CELSR1: variants seen among roughly 807,000 people sequenced by gnomAD.
CELSR1 encodes the protein cadherin EGF LAG seven-pass G-type receptor 1.
CELSR1 carries 110 observed loss-of-function variants against 249.1 expected under a neutral mutation model. The observed-to-expected ratio is 0.44, with a 90% confidence interval of 0.38 to 0.52. CELSR1 has a LOEUF of 0.52. CELSR1 is among the 20% of genes least tolerant of loss of function. CELSR1 has a pLI of 0.00. For synonymous variants in CELSR1, 2,113 were observed against 1,900.0 expected (o/e 1.11, Z -2.92); for missense variants, 4,109 against 4,296.4 (o/e 0.96, Z 1.22).
At chr22:46,443,822 T>C (rs536685368) in intron 2 of CELSR1, among the ~76,000 whole-genome samples, 3 of 152,174 alleles carry the variant, frequency 2.0e-5, no homozygotes, top group South Asian at 4.1e-4. Context: ...TCACGGGAGG[T>C]GTGACGCTTA....
intron 1 of CELSR1, among the ~76,000 whole-genome samples, chr22:46,467,989 CAA>C (rs1328067271): frequency 6.6e-6 from 1 of 151,964 alleles, no homozygotes; most frequent in Non-Finnish European, 1.5e-5. Flanking sequence ...CTTTTTGTAA[CAA>C]AAGAAAAAGA....
chr22:46,476,394 G>C (rs541920510), intron 1 of CELSR1, among the ~76,000 whole-genome samples: 1 of 152,002 alleles, frequency 6.6e-6, no homozygotes, highest in African/African-American at 2.4e-5. Flanking sequence ...TCAGGAGTTC[G>C]AGACCAGCCT....
chr22:46,537,559 G>C lies in CELSR1; in HGVS notation c.-389C>G, dbSNP rs1291083829. Among the ~76,000 whole-genome samples, 2 of 147,318 alleles carry C rather than the reference G, an allele frequency of 1.4e-5. No homozygotes were observed. The highest frequency in any genetic ancestry group is 2.0e-4 in the East Asian group (1 of 5,092). On this transcript the variant is annotated 5_prime_UTR_variant, in exon 1 of 35. Transcript: ENST00000674500. The surrounding 1 kb of genome is among the most constrained non-coding windows in gnomAD (Gnocchi z 5.8). The stretch of plus-strand genomic sequence containing the variant: ...GGGGCGGGGGCTGAGTTCCCGGAGC[G>C]GGCTGGGCAGCTCCGCGCCGCGCAG...
At position 46,536,497 on chromosome 22, in the gene CELSR1, G is replaced by A. The variant is rs754165820; in HGVS notation, c.674C>T (p.Ala225Val). The change falls in exon 1 of 35, where the codon GCC becomes GTC. Residue 225 changes from alanine (A) to valine (V), a missense_variant. Transcript: ENST00000674500. ...SPPLPPNLPE[A>V]RAGPARRARR... ...GGCCCGTCGCGCCGGCCCCGCCCGG[G>A]CTTCGGGCAAGTTCGGCGGCAGGGG... 5 of 1,571,480 alleles carry A rather than the reference G, an allele frequency of 3.2e-6. No individual in the cohort carries two copies. In the Admixed American group the frequency reaches 7.5e-5, roughly 24 times the overall value.
At position 46,473,424 on chromosome 22, in the gene CELSR1, A is replaced by G. The variant is rs2080176090; in HGVS notation, c.3545-9079T>C. 6.6e-6 allele frequency among the ~76,000 whole-genome samples: 1 copy of G among 152,076 alleles called. No homozygotes were observed. The highest frequency in any genetic ancestry group is 1.5e-5 in the Non-Finnish European group (1 of 67,996). ...GTTTGTGACCCACCTGGGGCCTTGGAGATGACCCAGTGAGATGGAGCCACA... is the reference window on the plus strand; with the variant it reads ...GTTTGTGACCCACCTGGGGCCTTGGGGATGACCCAGTGAGATGGAGCCACA... On this transcript the variant is annotated intron_variant, in intron 1 of 34. Coordinates refer to ENST00000674500, the MANE Select transcript of CELSR1 (RefSeq NM_001378328.1). The surrounding 1 kb of genome is among the most constrained non-coding windows in gnomAD (Gnocchi z 6.6).
chr22:46,479,804 G>A, intron 1 of CELSR1, among the ~76,000 whole-genome samples: 1 of 152,200 alleles, frequency 6.6e-6, no homozygotes. Flanking sequence ...CAGGAACACT[G>A]CAAGCTGCGA....
chr22:46,526,258 A>C lies in CELSR1; in HGVS notation c.3544+7369T>G, dbSNP rs1472730132. ...AAACCCGTCTACGAAGCTTGGCCACAGTAGCCCTTTGGGAGACAATGAGGA... is the reference window on the plus strand; with the variant it reads ...AAACCCGTCTACGAAGCTTGGCCACCGTAGCCCTTTGGGAGACAATGAGGA... On this transcript the variant is annotated intron_variant, in intron 1 of 34. Coordinates refer to ENST00000674500, the MANE Select transcript of CELSR1 (RefSeq NM_001378328.1). This position sits in a 1 kb window ranked among gnomAD's most constrained non-coding sequence, Gnocchi z 4.7. Among the ~76,000 whole-genome samples, 1 of 152,226 alleles carries C rather than the reference A, an allele frequency of 6.6e-6. No homozygotes were observed. Among genetic ancestry groups the C allele is most frequent in the Non-Finnish European group, 1.5e-5 (1 of 68,042 alleles).
rs113603715 is a variant in CELSR1, at chr22:46,363,818, T to G, written c.9035+178A>C. ...ATAGGGGGTCTGCCCATCTCCGGGG[T>G]ATCCTCCTGACCTCAGCTGCAGCGC... On this transcript the variant is annotated intron_variant, in intron 34 of 34. Transcript: ENST00000674500. This position sits in a 1 kb window ranked among gnomAD's most constrained non-coding sequence, Gnocchi z 4.3. 9.1e-3 allele frequency: 7,324 copies of G among 801,234 alleles called. 372 individuals are homozygous for G. In the African/African-American group the frequency reaches 0.11, roughly 12 times the overall value. The allele number at this position is 801,234 out of a possible 1,614,324, so 49.6% of individuals were successfully genotyped here.
rs574536013 is a variant in CELSR1 at position 46,363,475 on chromosome 22, C to T, written c.9036-228G>A. On this transcript the variant is annotated intron_variant, in intron 34 of 34. Transcript: ENST00000674500. This position sits in a 1 kb window ranked among gnomAD's most constrained non-coding sequence, Gnocchi z 4.3. ...CTGTGTTGCTGGTCTTTCAGAAGAGCGCAAGGAATCCACGTTAGAAACCGG... is the reference window on the plus strand; with the variant it reads ...CTGTGTTGCTGGTCTTTCAGAAGAGTGCAAGGAATCCACGTTAGAAACCGG... 3.0e-5 allele frequency: 15 copies of T among 495,786 alleles called. No individual in the cohort carries two copies. Among genetic ancestry groups the T allele is most frequent in the South Asian group, 2.7e-4 (11 of 40,208 alleles). 30.7% of individuals were successfully genotyped at this position (495,786 alleles called of 1,614,324 possible).
At position 46,391,256 on chromosome 22, in the gene CELSR1, C is replaced by T. The variant is rs760896915; in HGVS notation, c.6180G>A (p.Glu2060=). The T allele has an allele frequency of 6.2e-7, 1 of 1,613,780 alleles. No individual in the cohort carries two copies. Among genetic ancestry groups the T allele is most frequent in the South Asian group, 1.1e-5 (1 of 91,076 alleles). The change falls in exon 16 of 35, where the codon GAG becomes GAA. Residue 2060 remains glutamate (E), a synonymous_variant. Coordinates refer to ENST00000674500, the MANE Select transcript of CELSR1 (RefSeq NM_001378328.1). The surrounding 1 kb of genome is among the most constrained non-coding windows in gnomAD (Gnocchi z 4.3). ...VIYNGCPKAF[E]AGIWWPQTKF... is the part of the protein sequence containing the mutation. ...TGGTCTGTGGCCACCAGATGCCGGC[C>T]TCAAATGCTTTGGGACAGCCATTGT...
At chr22:46,462,014 G>T (rs11913399) in intron 2 of CELSR1, among the ~76,000 whole-genome samples, 4 of 152,314 alleles carry the variant, frequency 2.6e-5, no homozygotes, top group Admixed American at 6.5e-5. Flanking sequence ...AGAGGAGGGG[G>T]CCTGGTTCAG....
Position 46,381,827 on chromosome 22 carries a change from C to G in CELSR1, c.7088+19G>C. 1 of 1,539,924 alleles carries G rather than the reference C, an allele frequency of 6.5e-7. No individual in the cohort carries two copies. The highest frequency in any genetic ancestry group is 1.2e-5 in the South Asian group (1 of 83,996). Reference sequence around the variant, plus strand: ...CTCCAGAACGGGCCCTCCCCGTGTGCCCCGTGCCCAGGCCTTACCGGAGGC... The same window carrying G: ...CTCCAGAACGGGCCCTCCCCGTGTGGCCCGTGCCCAGGCCTTACCGGAGGC... On this transcript the variant is annotated intron_variant, in intron 21 of 34. Coordinates refer to ENST00000674500, the MANE Select transcript of CELSR1 (RefSeq NM_001378328.1). This position sits in a 1 kb window ranked among gnomAD's most constrained non-coding sequence, Gnocchi z 6.0.
chr22:46,493,417 G>C (rs1185599668), intron 1 of CELSR1, among the ~76,000 whole-genome samples: 5 of 150,752 alleles, frequency 3.3e-5, no homozygotes, highest in Non-Finnish European at 7.4e-5. Context: ...GTGGTGGTGG[G>C]CACCTGTAAT....
At position 46,428,886 on chromosome 22, in the gene CELSR1, G is replaced by A. The variant is rs2079564241; in HGVS notation, c.4611+4507C>T. Among the ~76,000 whole-genome samples the A allele has an allele frequency of 6.6e-6, 1 of 152,170 alleles. No individual in the cohort carries two copies. Among genetic ancestry groups the A allele is most frequent in the South Asian group, 2.1e-4 (1 of 4,828 alleles). The stretch of plus-strand genomic sequence containing the variant: ...ATGTCCCTGCCTCCCCAGCTGGCCA[G>A]GAGACTGTGCTCCAGGCTCTGGGCA... On this transcript the variant is annotated intron_variant, in intron 5 of 34. Transcript: ENST00000674500. This position sits in a 1 kb window ranked among gnomAD's most constrained non-coding sequence, Gnocchi z 5.7.
In CELSR1 at chr22:46,534,453, T is replaced by A. The variant is rs1602252269; in HGVS notation, c.2718A>T (p.Pro906=). The A allele has an allele frequency of 6.2e-7, 1 of 1,612,760 alleles. No individual in the cohort carries two copies. Among genetic ancestry groups the A allele is most frequent in the Admixed American group, 1.7e-5 (1 of 59,974 alleles). The change falls in exon 1 of 35, where the codon CCA becomes CCT. Residue 906 remains proline, a synonymous_variant. Transcript: ENST00000674500. This position sits in a 1 kb window ranked among gnomAD's most constrained non-coding sequence, Gnocchi z 9.7. ...FYQGSIFEDA[P]PSTSILQVSA... ...AGACCTGGAGGATGCTGGTCGAGGG[T>A]GGAGCATCCTCAAAGATGGAACCCT...
At chr22:46,469,558 C>T (rs971767381) in intron 1 of CELSR1, among the ~76,000 whole-genome samples, 1 of 152,108 alleles carries the variant, frequency 6.6e-6, no homozygotes, top group Non-Finnish European at 1.5e-5. Context: ...CTCTGTTGCC[C>T]AGGCTGGAAT....
chr22:46,385,455 C>T (rs1173005972), intron 19 of CELSR1, among the ~76,000 whole-genome samples: 1 of 152,138 alleles, frequency 6.6e-6, no homozygotes, highest in Non-Finnish European at 1.5e-5. Flanking sequence ...TGTACTTACA[C>T]CTGTCTACAG....
rs555297741 is a variant in CELSR1, at chr22:46,534,307, C to T, written c.2864G>A (p.Arg955Gln). ...CACGGCCACATTCTCCCGGTCCAGC[C>T]GGCGCTGGGTGCGAATCACACCGGA... ...PTSGVIRTQRRLDRENVAVYN... is the reference protein window; with the variant it reads ...PTSGVIRTQRQLDRENVAVYN... The change falls in exon 1 of 35, where the codon CGG (arginine) becomes CAG (glutamine). Residue 955 changes from arginine (R) to glutamine (Q), a missense_variant. This residue lies in a region of CELSR1 where 886 missense variants were observed against 896.5 expected (regional missense o/e 0.99). Coordinates refer to ENST00000674500, the MANE Select transcript of CELSR1 (RefSeq NM_001378328.1). This position sits in a 1 kb window ranked among gnomAD's most constrained non-coding sequence, Gnocchi z 9.7. 3.7e-6 allele frequency: 6 copies of T among 1,613,126 alleles called. No homozygotes were observed. Among genetic ancestry groups the T allele is most frequent in the East Asian group, 2.2e-5 (1 of 44,884 alleles).
intron 9 of CELSR1, among the ~76,000 whole-genome samples, chr22:46,403,392 CA>C (rs61497637): frequency 0.27 from 30,918 of 116,082 alleles, 4,106 homozygotes; most frequent in African/African-American, 0.41. Flanking sequence ...ACTAAAAATA[CA>C]AAAAAAAAAA....
Sources: gnomAD v4.1 joint callset for allele counts (sites outside exome capture counted in the v4.1 genomes callset) on GRCh38, gnomAD v4.1.1 for gene constraint, gnomAD v4.1.1 regional missense constraint, Gnocchi (gnomAD v3.1) non-coding constraint, MANE v1.5 for transcripts, NCBI Gene and HGNC (gene_info 2026-07-23, HGNC 2026-07-21) for gene names.